The following RAB11FIP2 variants were observed in gnomAD, a reference collection of about 807,000 sequenced individuals.
The protein encoded by RAB11FIP2 is rab11 family-interacting protein 2.
RAB11FIP2 carries 16 observed loss-of-function variants against 40.9 expected under a neutral mutation model. The ratio of observed to expected loss-of-function variants is 0.39; its 90% confidence interval spans 0.26 to 0.59. The LOEUF is 0.59. RAB11FIP2 is among the 20% of genes least tolerant of loss of function. The pLI, the probability that RAB11FIP2 is intolerant of heterozygous loss-of-function variation, is 0.53. For missense variants in RAB11FIP2, 532 were observed against 606.2 expected (o/e 0.88, Z 1.28); for synonymous variants, 228 against 213.7 (o/e 1.07, Z -0.58).
At chr10:118,038,292 A>G (rs1846507641) in intron 3 of RAB11FIP2, among the ~76,000 whole-genome samples, 1 of 151,190 alleles carries the variant, frequency 6.6e-6, no homozygotes, top group South Asian at 2.1e-4. Context: ...TTAGATATAT[A>G]GATATAATTT....
intron 3 of RAB11FIP2, among the ~76,000 whole-genome samples, chr10:118,029,517 T>C (rs1457590270): frequency 6.6e-6 from 1 of 152,186 alleles, no homozygotes; most frequent in Non-Finnish European, 1.5e-5. Context: ...TAATATGAAA[T>C]TCAGACCTGA....
chr10:118,037,214 C>A (rs1846492824), intron 3 of RAB11FIP2, among the ~76,000 whole-genome samples: 1 of 151,922 alleles, frequency 6.6e-6, no homozygotes, highest in Non-Finnish European at 1.5e-5. Flanking sequence ...TTTTGAATGG[C>A]ATATCAAAAC....
At chr10:118,015,794 G>A (rs1003607024) in intron 3 of RAB11FIP2, among the ~76,000 whole-genome samples, 6 of 152,124 alleles carry the variant, frequency 3.9e-5, no homozygotes, top group Admixed American at 2.0e-4. Context: ...ACCAAAAGAC[G>A]CTAAACTTCA....
At chr10:118,021,928 T>C (rs1206044478) in intron 3 of RAB11FIP2, among the ~76,000 whole-genome samples, 1 of 152,216 alleles carries the variant, frequency 6.6e-6, no homozygotes, top group Non-Finnish European at 1.5e-5. Flanking sequence ...ACCATCCCTA[T>C]ATGGATGGAG....
chr10:118,028,713 A>G (rs1278810758), intron 3 of RAB11FIP2, among the ~76,000 whole-genome samples: 1 of 152,170 alleles, frequency 6.6e-6, no homozygotes, highest in Non-Finnish European at 1.5e-5. Context: ...AAGAAATAGA[A>G]GTTATCCTCT....
At chr10:118,024,065 G>A (rs545137217) in intron 3 of RAB11FIP2, among the ~76,000 whole-genome samples, 30 of 150,688 alleles carry the variant, frequency 2.0e-4, no homozygotes, top group Admixed American at 2.0e-3. Flanking sequence ...ACTCCAGCCT[G>A]GGCAACAGAG....
chr10:118,009,061 C>T lies in RAB11FIP2; in HGVS notation c.1476G>A (p.Thr492=), dbSNP rs150361845. The T allele has an allele frequency of 4.9e-5, 79 of 1,613,398 alleles. No homozygotes were observed. Among genetic ancestry groups the T allele is most frequent in the Non-Finnish European group, 6.2e-5 (73 of 1,179,590 alleles). ...DNLLVRVMEE[T]PSILRVPYEP... ...CATACGGCACTCTGAGAATACTGGG[C>T]GTTTCTTCCATTACCCTTACAAGGA... The change falls in exon 5 of 5, where the codon ACG becomes ACA. Residue 492 remains threonine (T), a synonymous_variant. Coordinates refer to ENST00000355624, the MANE Select transcript of RAB11FIP2 (RefSeq NM_014904.3).
At chr10:118,037,025 TTCTTC>T (rs1369796228) in intron 3 of RAB11FIP2, among the ~76,000 whole-genome samples, 1 of 152,102 alleles carries the variant, frequency 6.6e-6, no homozygotes, top group Non-Finnish European at 1.5e-5. Context: ...TTTCTTGCTT[TTCTTC>T]TGACTCTAAA....
At position 118,006,072 on chromosome 10, in the gene RAB11FIP2, A is replaced by C. The variant is rs1339544784; in HGVS notation, c.*2926T>G. The C allele has an allele frequency of 2.0e-5, 3 of 152,640 alleles. No individual in the cohort carries two copies. The highest frequency in any genetic ancestry group is 1.3e-4 in the Admixed American group (2 of 15,284). 9.5% of individuals were successfully genotyped at this position (152,640 alleles called of 1,614,324 possible). A position where few individuals can be genotyped will look rare whatever the true frequency, so the allele number is the denominator to read the frequency against. On this transcript the variant is annotated 3_prime_UTR_variant, in exon 5 of 5. Transcript: ENST00000355624. ...CTCAATGCAGAACATAGCAGCAAAAAGCAATACTTAAAAACGTTTTTCATG... is the reference window on the plus strand; with the variant it reads ...CTCAATGCAGAACATAGCAGCAAAACGCAATACTTAAAAACGTTTTTCATG...
chr10:118,045,857 T>C lies in RAB11FIP2; in HGVS notation c.307A>G (p.Ile103Val), dbSNP rs371501888. The change falls in exon 1 of 5, where the codon ATC becomes GTC. Residue 103 changes from isoleucine (I) to valine (V), a missense_variant. Coordinates refer to ENST00000355624, the MANE Select transcript of RAB11FIP2 (RefSeq NM_014904.3). Reference protein sequence around the residue: ...GLDKFLGQVAINLNDIFEDKQ... With the variant: ...GLDKFLGQVAVNLNDIFEDKQ... ...TCCTCAAAGATGTCATTGAGATTGA[T>C]TGCCACCTGCCCTAAAAATTTATCC... 14 of 1,613,620 alleles carry C rather than the reference T, an allele frequency of 8.7e-6. No individual in the cohort carries two copies. The highest frequency in any genetic ancestry group is 4.4e-5 in the South Asian group (4 of 91,012).
At chr10:118,045,603 G>C in intron 1 of RAB11FIP2, 1 of 530,084 alleles carries the variant, frequency 1.9e-6, no homozygotes, top group Non-Finnish European at 3.3e-6. Flanking sequence ...TTAACAGAAA[G>C]AATAAGGGAT....
rs112661108 is a variant in RAB11FIP2, at chr10:118,040,693, T to A, written c.354-128A>T. On this transcript the variant is annotated intron_variant, in intron 1 of 4. Transcript: ENST00000355624. ...AGGCAACCTAAGCTCTGAATAAGAA[T>A]CTGTCAGCCACAGTATTTCGGGCTT... 1,125 of 646,404 alleles carry A rather than the reference T, an allele frequency of 1.7e-3. 9 individuals carry two copies. In the African/African-American group the frequency reaches 0.019, roughly 11 times the overall value. The allele number at this position is 646,404 out of a possible 1,614,324, so 40.0% of individuals were successfully genotyped here.
intron 1 of RAB11FIP2, 193 bp downstream of exon 1, chr10:118,045,618 A>G: frequency 1.8e-6 from 1 of 554,120 alleles, no homozygotes; most frequent in Non-Finnish European, 3.2e-6. Flanking sequence ...AGGGATCATT[A>G]ATGATTCCAT....
chr10:118,025,232 T>C (rs950540351), intron 3 of RAB11FIP2, among the ~76,000 whole-genome samples: 1 of 152,232 alleles, frequency 6.6e-6, no homozygotes, highest in East Asian at 1.9e-4. Flanking sequence ...ATGATCTTAT[T>C]AGAAATTGTA....
At position 118,008,876 on chromosome 10, in the gene RAB11FIP2, C is replaced by G; in HGVS notation, c.*122G>C. ...TATTTACAGGTAAAACTACTCTTCA[C>G]AATAAAGGAGAATATGTAATGAAAC... On this transcript the variant is annotated 3_prime_UTR_variant, in exon 5 of 5. Coordinates refer to ENST00000355624, the MANE Select transcript of RAB11FIP2 (RefSeq NM_014904.3). 4 of 790,038 alleles carry G rather than the reference C, an allele frequency of 5.1e-6. No homozygotes were observed. Among genetic ancestry groups the G allele is most frequent in the Non-Finnish European group, 6.1e-6 (3 of 490,864 alleles). The allele number at this position is 790,038 out of a possible 1,614,324, so 48.9% of individuals were successfully genotyped here.
At chr10:118,017,179 A>G (rs1400853448) in intron 3 of RAB11FIP2, among the ~76,000 whole-genome samples, 1 of 152,134 alleles carries the variant, frequency 6.6e-6, no homozygotes, top group Non-Finnish European at 1.5e-5. Context: ...GTGGCTCTAG[A>G]CTGCGTCCTC....
In RAB11FIP2 at chr10:118,006,555, AAAC is replaced by A. The variant is rs771107482; in HGVS notation, c.*2440_*2442del. On this transcript the variant is annotated 3_prime_UTR_variant, in exon 5 of 5. Transcript: ENST00000355624. ...TCTTTTTCTACAACGTGAGAAATTAAAACTACTTTGCACTTCTGCCCAAACACA... is the reference window on the plus strand; with the variant it reads ...TCTTTTTCTACAACGTGAGAAATTAATACTTTGCACTTCTGCCCAAACACA... 6 of 152,154 alleles carry A rather than the reference AAAC, an allele frequency of 3.9e-5. No individual in the cohort carries two copies. Among genetic ancestry groups the A allele is most frequent in the Non-Finnish European group, 8.8e-5 (6 of 67,966 alleles). The allele number at this position is 152,154 out of a possible 1,614,324, so 9.4% of individuals were successfully genotyped here. A position where few individuals can be genotyped will look rare whatever the true frequency, so the allele number is the denominator to read the frequency against.
chr10:118,038,823 C>T (rs1273269562), intron 3 of RAB11FIP2, 149 bp downstream of exon 3: 1 of 621,402 alleles, frequency 1.6e-6, no homozygotes, highest in African/African-American at 1.9e-5. Context: ...TGCAACATTG[C>T]CTGGCTCTAT....
At chr10:118,032,041 TA>T (rs879506682) in intron 3 of RAB11FIP2, among the ~76,000 whole-genome samples, 48 of 150,276 alleles carry the variant, frequency 3.2e-4, no homozygotes, top group Non-Finnish European at 5.7e-4. Context: ...TTGATTTTTT[TA>T]AAAAAATTCA....
Sources: gnomAD v4.1 joint callset for allele counts (sites outside exome capture counted in the v4.1 genomes callset) on GRCh38, gnomAD v4.1.1 for gene constraint, MANE v1.5 for transcripts, NCBI Gene and HGNC (gene_info 2026-07-23, HGNC 2026-07-21) for gene names.